Variants in HTT-AS observed in about 807,000 individuals in gnomAD.
HTT-AS encodes HTT antisense RNA.
At chr4:3,057,719 C>T (rs535097111) in intron 2 of HTT-AS, among the ~76,000 whole-genome samples, 6 of 151,194 alleles carry the variant, frequency 4.0e-5, no homozygotes, top group Admixed American at 6.6e-5. Flanking sequence ...CTGCAAGCTC[C>T]GCCTCCCGGG....
upstream of HTT-AS, chr4:3,074,587 G>T: frequency 2.5e-6 from 1 of 392,340 alleles, no homozygotes; most frequent in East Asian, 6.7e-5. Flanking sequence ...CCGCAGGCTA[G>T]GGCTGTCAAT....
chr4:3,073,924 T>C (rs1458099174), intron 1 of HTT-AS, among the ~76,000 whole-genome samples: 1 of 151,968 alleles, frequency 6.6e-6, no homozygotes, highest in Non-Finnish European at 1.5e-5. Flanking sequence ...CGGCTCAGAG[T>C]CCACGGCCGG....
chr4:3,052,837 T>TA (rs971359645), intron 2 of HTT-AS, among the ~76,000 whole-genome samples: 6 of 150,802 alleles, frequency 4.0e-5, no homozygotes, highest in East Asian at 2.0e-4. Context: ...AAAATAAAAA[T>TA]AAAAAAAAAT....
chr4:3,064,688 C>T (rs1021489509), intron 1 of HTT-AS, among the ~76,000 whole-genome samples: 6 of 152,102 alleles, frequency 3.9e-5, no homozygotes, highest in African/African-American at 1.4e-4. Flanking sequence ...AAAAAAACAC[C>T]AGGCTCAAAC....
chr4:3,050,900 T>G (rs1490846699), intron 2 of HTT-AS, among the ~76,000 whole-genome samples: 1 of 152,210 alleles, frequency 6.6e-6, no homozygotes, highest in Non-Finnish European at 1.5e-5. Context: ...TCAGAAAGAC[T>G]ATTTTGAAGC....
chr4:3,049,053 C>T (rs1387070099), downstream of HTT-AS, among the ~76,000 whole-genome samples: 2 of 152,152 alleles, frequency 1.3e-5, no homozygotes, highest in East Asian at 3.9e-4. Flanking sequence ...AAAGTATACC[C>T]CATAAGTGCA....
chr4:3,072,887 C>G (rs1712215023), intron 1 of HTT-AS, among the ~76,000 whole-genome samples: 1 of 152,214 alleles, frequency 6.6e-6, no homozygotes, highest in Non-Finnish European at 1.5e-5. Context: ...CTTGGCCTCC[C>G]AAAGTGCTGG....
At chr4:3,072,861 C>G (rs1222538612) in intron 1 of HTT-AS, among the ~76,000 whole-genome samples, 1 of 152,238 alleles carries the variant, frequency 6.6e-6, no homozygotes, top group East Asian at 1.9e-4. Context: ...CTCCTGACCT[C>G]TGGTGATCTG....
chr4:3,063,919 C>T (rs1369329901), intron 1 of HTT-AS, among the ~76,000 whole-genome samples: 1 of 151,944 alleles, frequency 6.6e-6, no homozygotes, highest in African/African-American at 2.4e-5. Context: ...GGTCTGCACC[C>T]AGTTCCTGCC....
chr4:3,050,090 C>T (rs1273919603), intron 2 of HTT-AS, among the ~76,000 whole-genome samples: 4 of 152,010 alleles, frequency 2.6e-5, no homozygotes, highest in Admixed American at 6.6e-5. Context: ...TGATGAGTCA[C>T]GAAATGCAGA....
At chr4:3,047,083 G>A (rs1006316430), downstream of HTT-AS, among the ~76,000 whole-genome samples, 1 of 152,186 alleles carries the variant, frequency 6.6e-6, no homozygotes, top group African/African-American at 2.4e-5. Flanking sequence ...AGGCCGAGGT[G>A]GGCAGATCAT....
At chr4:3,059,101 T>C (rs1460566666) in intron 2 of HTT-AS, among the ~76,000 whole-genome samples, 1 of 152,180 alleles carries the variant, frequency 6.6e-6, no homozygotes, top group African/African-American at 2.4e-5. Context: ...TGCAGATGAA[T>C]CGTAACCTAG....
chr4:3,052,439 C>T (rs1054481256), intron 2 of HTT-AS, among the ~76,000 whole-genome samples: 2 of 152,154 alleles, frequency 1.3e-5, no homozygotes, highest in African/African-American at 4.8e-5. Context: ...GTGCCAGAGA[C>T]CCCGTTTTGG....
chr4:3,066,656 T>C (rs775075971), intron 1 of HTT-AS, among the ~76,000 whole-genome samples: 1 of 152,184 alleles, frequency 6.6e-6, no homozygotes, highest in Non-Finnish European at 1.5e-5. Context: ...AATCCCTTCA[T>C]ATCAACCACA....
intron 2 of HTT-AS, among the ~76,000 whole-genome samples, chr4:3,052,820 C>T (rs185935211): frequency 2.6e-4 from 39 of 152,136 alleles, no homozygotes; most frequent in African/African-American, 9.4e-4. Flanking sequence ...GAAACCCCAC[C>T]TCTACTAAAA....
At chr4:3,056,053 C>G (rs752186240) in intron 2 of HTT-AS, among the ~76,000 whole-genome samples, 15 of 152,184 alleles carry the variant, frequency 9.9e-5, no homozygotes, top group Non-Finnish European at 1.3e-4. Context: ...CAAGAGAGGA[C>G]TTATCCATGA....
chr4:3,047,605 G>C (rs1711616424), downstream of HTT-AS, among the ~76,000 whole-genome samples: 1 of 152,160 alleles, frequency 6.6e-6, no homozygotes, highest in South Asian at 2.1e-4. Flanking sequence ...ACAGTGCCTG[G>C]GAAGGCACCT....
chr4:3,070,294 CT>C (rs113541600), intron 1 of HTT-AS: 26,836 of 144,316 alleles, frequency 0.19, 3,297 homozygotes, highest in African/African-American at 0.37. Context: ...CTCTCTCGCT[CT>C]TTTTTTTTTT....
intron 2 of HTT-AS, among the ~76,000 whole-genome samples, chr4:3,055,345 T>G (rs1711788098): frequency 1.3e-5 from 2 of 152,074 alleles, no homozygotes; most frequent in East Asian, 3.9e-4. Context: ...CCTGTCATCT[T>G]TAACCCATTT....
Sources: allele counts gnomAD v4.1 joint callset (sites outside exome capture counted in the v4.1 genomes callset), GRCh38; gene constraint gnomAD v4.1.1; transcripts MANE v1.5; gene names NCBI Gene and HGNC (gene_info 2026-07-23, HGNC 2026-07-21).